JAZF1: variants seen among roughly 807,000 people sequenced by gnomAD.
The protein encoded by JAZF1 is juxtaposed with another zinc finger protein 1.
A neutral mutation model predicts 26.4 loss-of-function variants in JAZF1; 8 were observed. The ratio of observed to expected loss-of-function variants is 0.30; its 90% CI spans 0.18 to 0.55. The LOEUF is 0.55. Among genes scored for constraint, JAZF1 ranks in the 20% least tolerant of loss-of-function variants. JAZF1 has a pLI of 0.94. For synonymous variants in JAZF1, 126 were observed against 122.3 expected (o/e 1.03, Z -0.20); for missense variants, 199 against 322.0 (o/e 0.62, Z 2.92).
chr7:28,068,123 C>T (rs1175832472), intron 1 of JAZF1, among the ~76,000 whole-genome samples: 1 of 151,976 alleles, frequency 6.6e-6, no homozygotes, highest in East Asian at 1.9e-4. Context: ...CCATGTTAGC[C>T]AGGCTGGTCT....
chr7:28,036,857 A>AT (rs1051399956), intron 1 of JAZF1, among the ~76,000 whole-genome samples: 45 of 152,224 alleles, frequency 3.0e-4, no homozygotes, highest in African/African-American at 1.1e-3. Context: ...AAGAATGCAC[A>AT]TAGCAAGACC....
chr7:28,165,511 G>C (rs572680158), intron 1 of JAZF1, among the ~76,000 whole-genome samples: 148 of 152,256 alleles, frequency 9.7e-4, no homozygotes, highest in Middle Eastern at 3.4e-3. Flanking sequence ...GCTGGAATTA[G>C]GTTCCCTCCG....
At chr7:27,870,651 T>G (rs1380783551) in intron 3 of JAZF1, among the ~76,000 whole-genome samples, 1 of 151,958 alleles carries the variant, frequency 6.6e-6, no homozygotes, top group Non-Finnish European at 1.5e-5. Flanking sequence ...GGTCACATAC[T>G]CAGCAAAGGT....
chr7:27,862,480 G>A (rs971875298), intron 3 of JAZF1, among the ~76,000 whole-genome samples: 1 of 150,288 alleles, frequency 6.7e-6, no homozygotes, highest in South Asian at 2.1e-4. Context: ...TATTTCAAGC[G>A]TACTGCTCAA....
chr7:28,073,527 C>G (rs1784008260), intron 1 of JAZF1, among the ~76,000 whole-genome samples: 1 of 152,170 alleles, frequency 6.6e-6, no homozygotes, highest in South Asian at 2.1e-4. Context: ...GTTTGTTAGG[C>G]TGTCTCTTAA....
At chr7:27,884,208 T>C (rs1223578370) in intron 3 of JAZF1, among the ~76,000 whole-genome samples, 2 of 152,198 alleles carry the variant, frequency 1.3e-5, no homozygotes, top group African/African-American at 4.8e-5. Context: ...CACAGCTCAC[T>C]GCAGCTGCGA....
At chr7:27,980,911 C>A (rs751612739) in intron 2 of JAZF1, among the ~76,000 whole-genome samples, 2 of 152,144 alleles carry the variant, frequency 1.3e-5, no homozygotes, top group Non-Finnish European at 2.9e-5. Context: ...TTTTAGTTAT[C>A]TTTCCACTAT....
In JAZF1 at chr7:27,921,469, A is replaced by G. The variant is rs527602753; in HGVS notation, c.189-26053T>C. ...TAAAGTGGCAGTAAGAGAGGGGAAA[A>G]GCATAATTGTCAAAACTTCGTAAAT... On this transcript the variant is annotated intron_variant, in intron 2 of 4. Transcript: ENST00000283928. Among the ~76,000 whole-genome samples, 11 of 152,298 alleles carry G rather than the reference A, an allele frequency of 7.2e-5. No homozygotes were observed. In the South Asian group the frequency reaches 1.0e-3, roughly 14 times the overall value.
intron 1 of JAZF1, among the ~76,000 whole-genome samples, chr7:28,151,206 T>A (rs1583587348): frequency 6.6e-6 from 1 of 151,612 alleles, no homozygotes; most frequent in African/African-American, 2.4e-5. Flanking sequence ...CGGGTTCAAG[T>A]GATTCTCCTG....
intron 3 of JAZF1, among the ~76,000 whole-genome samples, chr7:27,852,485 G>A (rs767250876): frequency 9.7e-4 from 147 of 152,096 alleles, no homozygotes; most frequent in Non-Finnish European, 1.8e-3. Flanking sequence ...ATTTGAGGTT[G>A]CAACTCCCTC....
chr7:27,845,933 G>A (rs897188221), intron 3 of JAZF1, among the ~76,000 whole-genome samples: 1 of 151,906 alleles, frequency 6.6e-6, no homozygotes, highest in Middle Eastern at 3.2e-3. Context: ...ATCGCAGGAT[G>A]CTTCAAGGGA....
At chr7:28,086,852 G>A (rs1784219304) in intron 1 of JAZF1, among the ~76,000 whole-genome samples, 1 of 152,166 alleles carries the variant, frequency 6.6e-6, no homozygotes, top group Non-Finnish European at 1.5e-5. Context: ...TACCACTGAT[G>A]ATGACAAATA....
At chr7:27,880,416 C>G (rs976407030) in intron 3 of JAZF1, among the ~76,000 whole-genome samples, 1 of 152,074 alleles carries the variant, frequency 6.6e-6, no homozygotes, top group Non-Finnish European at 1.5e-5. Flanking sequence ...GGGCGGATCA[C>G]GAGGTCAGGA....
intron 2 of JAZF1, among the ~76,000 whole-genome samples, chr7:27,983,477 G>C (rs1482601710): frequency 6.6e-5 from 10 of 152,180 alleles, no homozygotes; most frequent in African/African-American, 1.9e-4. Flanking sequence ...CGTCTGATTG[G>C]TGTACCTGAA....
chr7:28,035,115 G>A (rs773098681), intron 1 of JAZF1, among the ~76,000 whole-genome samples: 38 of 151,834 alleles, frequency 2.5e-4, no homozygotes, highest in Non-Finnish European at 4.7e-4. Context: ...TCAGGAGTTC[G>A]AGACCAGCCT....
At chr7:28,058,861 C>T (rs1783756402) in intron 1 of JAZF1, among the ~76,000 whole-genome samples, 1 of 152,110 alleles carries the variant, frequency 6.6e-6, no homozygotes, top group Non-Finnish European at 1.5e-5. Context: ...ATTTTACATG[C>T]CCTTAAAATG....
At chr7:28,112,572 AAG>A (rs1784679513) in intron 1 of JAZF1, among the ~76,000 whole-genome samples, 1 of 142,652 alleles carries the variant, frequency 7.0e-6, no homozygotes, top group South Asian at 2.3e-4. Context: ...GGTTTAAGAT[AAG>A]ATCAATTATG....
intron 2 of JAZF1, among the ~76,000 whole-genome samples, chr7:27,968,387 A>C (rs1191117080): frequency 1.3e-5 from 2 of 152,218 alleles, no homozygotes; most frequent in African/African-American, 4.8e-5. Context: ...ATAAGGTAGA[A>C]TTCCAGAGCC....
At chr7:27,975,203 G>A (rs1216504049) in intron 2 of JAZF1, among the ~76,000 whole-genome samples, 1 of 151,912 alleles carries the variant, frequency 6.6e-6, no homozygotes, top group Non-Finnish European at 1.5e-5. Flanking sequence ...TTTATTCAAG[G>A]GTCGAGGCAA....
Sources: gnomAD v4.1 joint callset for allele counts (sites outside exome capture counted in the v4.1 genomes callset) on GRCh38, gnomAD v4.1.1 for gene constraint, MANE v1.5 for transcripts, NCBI Gene and HGNC (gene_info 2026-07-23, HGNC 2026-07-21) for gene names.